Variants in CNTN6 observed in about 807,000 individuals in gnomAD.
CNTN6 encodes the protein contactin-6.
Under a neutral mutation model 122.8 loss-of-function variants are expected in CNTN6, and 137 were observed. That is an observed-to-expected ratio of 1.12 (90% CI 0.97 to 1.29). The LOEUF (loss-of-function observed/expected upper bound fraction) is 1.29. Ranked by LOEUF, CNTN6 falls within the 50% of genes most tolerant of loss-of-function variation. The pLI is 0.00. For synonymous variants in CNTN6, 570 were observed against 426.0 expected (o/e 1.34, Z -4.16); for missense variants, 1,634 against 1,223.4 (o/e 1.34, Z -5.01).
At chr3:1,391,153 C>T (rs1319141751) in intron 20 of CNTN6, among the ~76,000 whole-genome samples, 1 of 70,520 alleles carries the variant, frequency 1.4e-5, no homozygotes, top group Non-Finnish European at 2.8e-5. Context: ...CAAAAATCCT[C>T]AATAAAATAC....
At chr3:1,124,690 AT>A (rs56320008) in intron 1 of CNTN6, among the ~76,000 whole-genome samples, 62,889 of 151,396 alleles carry the variant, frequency 0.42, 13,390 homozygotes, top group East Asian at 0.48. Flanking sequence ...CATTATTGAA[AT>A]TTTTTTTAAG....
At chr3:1,256,186 A>G (rs1051417189) in intron 4 of CNTN6, among the ~76,000 whole-genome samples, 2 of 152,124 alleles carry the variant, frequency 1.3e-5, no homozygotes, top group Non-Finnish European at 2.9e-5. Flanking sequence ...TGTAATTTTT[A>G]ATTAAAGTTA....
At chr3:1,138,920 T>G (rs2092547943) in intron 1 of CNTN6, among the ~76,000 whole-genome samples, 1 of 152,160 alleles carries the variant, frequency 6.6e-6, no homozygotes, top group South Asian at 2.1e-4. Context: ...ATTTCTGCTA[T>G]CTGATATACT....
At position 1,401,434 on chromosome 3, in the gene CNTN6, T is replaced by TC; in HGVS notation, c.2708dup (p.Ser904LysfsTer15). 1 of 1,611,152 alleles carries TC rather than the reference T, an allele frequency of 6.2e-7. No homozygotes were observed. The highest frequency in any genetic ancestry group is 8.5e-7 in the Non-Finnish European group (1 of 1,177,964). ...GGATCTTTGATTATCTCTTTAAAGC[T>TC]CCAAGCCAACCACCAGCAAACATTG... On this transcript the variant is annotated frameshift_variant and splice_region_variant, in exon 21 of 23. Coordinates refer to ENST00000446702, the MANE Select transcript of CNTN6 (RefSeq NM_001289080.2). LOFTEE classifies it high-confidence loss of function.
intron 7 of CNTN6, among the ~76,000 whole-genome samples, chr3:1,310,702 A>G (rs758147870): frequency 5.9e-5 from 9 of 152,292 alleles, no homozygotes; most frequent in Admixed American, 1.3e-4. Context: ...AAATGTATGT[A>G]CATCAAGAAA....
chr3:1,110,595 GATGTATGTTGTA>G (rs1219818601), intron 1 of CNTN6, among the ~76,000 whole-genome samples: 1 of 152,074 alleles, frequency 6.6e-6, no homozygotes, highest in Non-Finnish European at 1.5e-5. Context: ...GAAGGAAGGT[GATGTATGTTGTA>G]ATGGGTTTGC....
chr3:1,345,653 T>G (rs879800503), intron 11 of CNTN6, among the ~76,000 whole-genome samples: 1 of 152,190 alleles, frequency 6.6e-6, no homozygotes, highest in Admixed American at 6.6e-5. Context: ...TATTAATATT[T>G]AATCTAAAAC....
chr3:1,362,849 A>G (rs925591512), intron 12 of CNTN6, among the ~76,000 whole-genome samples: 1 of 151,828 alleles, frequency 6.6e-6, no homozygotes, highest in African/African-American at 2.4e-5. Flanking sequence ...AGGAAAGCCT[A>G]GCTAAGCACA....
chr3:1,176,766 C>T (rs974696044), intron 2 of CNTN6, among the ~76,000 whole-genome samples: 2 of 152,098 alleles, frequency 1.3e-5, no homozygotes, highest in African/African-American at 4.8e-5. Context: ...TAGATACAGA[C>T]AACAATTCAT....
At chr3:1,376,482 C>G (rs967789858) in intron 16 of CNTN6, among the ~76,000 whole-genome samples, 71 of 152,184 alleles carry the variant, frequency 4.7e-4, no homozygotes, top group African/African-American at 1.6e-3. Flanking sequence ...CCCTCTTCTT[C>G]TCTCCCGAGA....
Position 1,280,459 on chromosome 3 carries a change from ATTTTTTTT to A in CNTN6, c.454+1967_454+1974del, listed in dbSNP as rs71619483. Among the ~76,000 whole-genome samples the A allele has an allele frequency of 9.0e-5, 6 of 66,652 alleles. 1 individual carries two copies. Among genetic ancestry groups the A allele is most frequent in the Admixed American group, 2.2e-4 (1 of 4,628 alleles). The allele number at this position is 66,652 out of a possible 152,430, so 43.7% of individuals were successfully genotyped here. A position where few individuals can be genotyped will look rare whatever the true frequency, so the allele number is the denominator to read the frequency against. On this transcript the variant is annotated intron_variant, in intron 5 of 22. Coordinates refer to ENST00000446702, the MANE Select transcript of CNTN6 (RefSeq NM_001289080.2). ...GTAATGGCAAACTTGTGTAATACCA[ATTTTTTTT>A]TTTTTTTTTTTTTTTGTGATAGCAT... is the stretch of plus-strand genomic sequence containing the variant.
At chr3:1,146,446 C>T (rs2092724401) in intron 1 of CNTN6, among the ~76,000 whole-genome samples, 1 of 152,074 alleles carries the variant, frequency 6.6e-6, no homozygotes, top group Non-Finnish European at 1.5e-5. Flanking sequence ...GTTTTCATCC[C>T]ATGTACACAC....
intron 1 of CNTN6, among the ~76,000 whole-genome samples, chr3:1,100,186 GTCA>G (rs2090807800): frequency 6.6e-6 from 1 of 151,936 alleles, no homozygotes; most frequent in South Asian, 2.1e-4. Flanking sequence ...CCATTTTAAG[GTCA>G]TTCAAAAATT....
At chr3:1,128,008 C>G (rs1343270499) in intron 1 of CNTN6, among the ~76,000 whole-genome samples, 1 of 151,848 alleles carries the variant, frequency 6.6e-6, no homozygotes, top group East Asian at 1.9e-4. Flanking sequence ...GAATGGCTGA[C>G]CACAGAAATT....
At chr3:1,176,925 G>C (rs2093461847) in intron 2 of CNTN6, among the ~76,000 whole-genome samples, 1 of 152,034 alleles carries the variant, frequency 6.6e-6, no homozygotes, top group Non-Finnish European at 1.5e-5. Flanking sequence ...AATGCTAAGA[G>C]GTGCACTTTC....
chr3:1,357,563 C>T (rs1706775377), intron 12 of CNTN6, among the ~76,000 whole-genome samples: 1 of 151,890 alleles, frequency 6.6e-6, no homozygotes, highest in Admixed American at 6.6e-5. Context: ...GCTAAAACCA[C>T]TTGCCCAAGG....
chr3:1,333,470 T>C (rs1415821696), intron 11 of CNTN6, among the ~76,000 whole-genome samples: 1 of 152,060 alleles, frequency 6.6e-6, no homozygotes, highest in Non-Finnish European at 1.5e-5. Flanking sequence ...TGTATATATA[T>C]GAAGAATAAA....
chr3:1,202,543 AAAATAAATAAATAAATAAATAAAT>A (rs201394766), intron 2 of CNTN6, among the ~76,000 whole-genome samples: 3 of 126,504 alleles, frequency 2.4e-5, no homozygotes, highest in Non-Finnish European at 3.5e-5. Context: ...TCCGTCTCAA[AAAATAAATAAATAAATAAATAAAT>A]AAATAAATAA....
intron 2 of CNTN6, among the ~76,000 whole-genome samples, chr3:1,220,026 GA>G (rs202006423): frequency 1.7e-4 from 25 of 150,102 alleles, no homozygotes; most frequent in Middle Eastern, 3.5e-3. Flanking sequence ...AAATAAAAAA[GA>G]AAAAAAATAT....
Sources: gnomAD v4.1 joint callset for allele counts (sites outside exome capture counted in the v4.1 genomes callset) on GRCh38, gnomAD v4.1.1 for gene constraint, MANE v1.5 for transcripts, NCBI Gene and HGNC (gene_info 2026-07-23, HGNC 2026-07-21) for gene names.